Variants in EIF2AK4 observed in about 807,000 individuals in gnomAD.
The protein encoded by EIF2AK4 is eIF-2-alpha kinase GCN2.
A neutral mutation model predicts 211.1 loss-of-function variants in EIF2AK4; 139 were observed. That is an observed-to-expected ratio of 0.66 (90% CI 0.57 to 0.76). The LOEUF is 0.76. Among genes scored for constraint, EIF2AK4 ranks in the 30% least tolerant of loss-of-function variants. The pLI, the probability that EIF2AK4 is intolerant of heterozygous loss-of-function variation, is 0.00. For missense variants in EIF2AK4, 1,664 were observed against 2,043.8 expected (o/e 0.81, Z 3.58); for synonymous variants, 710 against 751.3 (o/e 0.94, Z 0.90).
Position 39,992,919 on chromosome 15 carries a change from A to G in EIF2AK4, c.2766+71A>G, listed in dbSNP as rs11633992. 0.93 allele frequency: 1,361,085 copies of G among 1,469,600 alleles called. 640,953 individuals are homozygous for G. The highest frequency in any genetic ancestry group is 0.98 in the Non-Finnish European group (1,030,188 of 1,051,050). 91.0% of individuals were successfully genotyped at this position (1,469,600 alleles called of 1,614,324 possible). A position where few individuals can be genotyped will look rare whatever the true frequency, so the allele number is the denominator to read the frequency against. ...GGACATCTAGATCACAGCATTTGGG[A>G]TTTAGTCCCGGCTAAAATAGTCAAG... On this transcript the variant is annotated intron_variant, in intron 18 of 38. Coordinates refer to ENST00000263791, the MANE Select transcript of EIF2AK4 (RefSeq NM_001013703.4).
In EIF2AK4 at chr15:40,017,242, G is replaced by A. The variant is rs2035315218; in HGVS notation, c.4065G>A (p.Leu1355=). 2 of 1,609,382 alleles carry A rather than the reference G, an allele frequency of 1.2e-6. No homozygotes were observed. Among genetic ancestry groups the A allele is most frequent in the Non-Finnish European group, 8.5e-7 (1 of 1,176,272 alleles). ...ILAAGGRYDL[L]IPQFRGPQAL... ...CAGCTGGAGGCAGATATGACCTGCT[G>A]GTGAGGGCTTGCCCTTTATTTATTT... The change falls in exon 29 of 39, where the codon CTG becomes CTA. Residue 1355 remains leucine (L), a splice_region_variant and synonymous_variant. Transcript: ENST00000263791.
intron 30 of EIF2AK4, among the ~76,000 whole-genome samples, chr15:40,020,342 ATT>A (rs528608840): frequency 1.4e-4 from 19 of 137,266 alleles, no homozygotes; most frequent in Non-Finnish European, 1.4e-4. Flanking sequence ...CTAACATAAC[ATT>A]TTTTTTTTTT....
intron 23 of EIF2AK4, among the ~76,000 whole-genome samples, chr15:40,005,897 A>G (rs1456814495): frequency 6.6e-6 from 1 of 151,566 alleles, no homozygotes; most frequent in African/African-American, 2.4e-5. Flanking sequence ...ATGTGTAGAT[A>G]TATATATTTG....
At chr15:40,006,898 C>A in intron 23 of EIF2AK4, 118 bp from the exon 24 acceptor site, 1 of 705,972 alleles carries the variant, frequency 1.4e-6, no homozygotes, top group Non-Finnish European at 2.4e-6. Flanking sequence ...CTAAAAGCCA[C>A]TGAAGTACAT....
chr15:40,016,786 C>G, intron 28 of EIF2AK4, 114 bp downstream of exon 28: 2 of 1,352,100 alleles, frequency 1.5e-6, no homozygotes, highest in Non-Finnish European at 1.0e-6. Context: ...TCCAGAAAAA[C>G]TGCTTTCTGT....
chr15:39,983,657 G>A (rs953229964), intron 13 of EIF2AK4, among the ~76,000 whole-genome samples: 27 of 152,268 alleles, frequency 1.8e-4, no homozygotes, highest in Admixed American at 2.0e-4. Flanking sequence ...GGTCAGGCTC[G>A]TCTCATACGC....
At chr15:40,022,875 A>G (rs1231586341) in intron 32 of EIF2AK4, among the ~76,000 whole-genome samples, 3 of 152,080 alleles carry the variant, frequency 2.0e-5, no homozygotes, top group East Asian at 1.9e-4. Flanking sequence ...CTGGGACTGC[A>G]GGTGCCCGCC....
chr15:39,992,804 G>A lies in EIF2AK4; in HGVS notation c.2722G>A (p.Val908Ile), dbSNP rs1412384144. The stretch of plus-strand genomic sequence containing the variant: ...TGGGATGGTTGGCACTGCTCTCTAT[G>A]TAAGCCCAGAGGTCCAAGGAAGCAC... Reference protein sequence around the residue: ...LTGMVGTALYVSPEVQGSTKS... With the variant: ...LTGMVGTALYISPEVQGSTKS... Residue 908 changes from valine to isoleucine, a missense_variant, in exon 18 of 39, where the codon GTA becomes ATA. Val to Ile is a conservative substitution (Grantham distance 29). Transcript: ENST00000263791. The A allele has an allele frequency of 1.2e-6, 2 of 1,614,134 alleles. No homozygotes were observed. Among genetic ancestry groups the A allele is most frequent in the Non-Finnish European group, 1.7e-6 (2 of 1,180,006 alleles).
intron 23 of EIF2AK4, among the ~76,000 whole-genome samples, chr15:40,006,272 GTAAA>G (rs1450244561): frequency 2.6e-5 from 4 of 151,802 alleles, no homozygotes; most frequent in Non-Finnish European, 4.4e-5. Context: ...TGAGGTAGAG[GTAAA>G]TAAACAGCAA....
rs2034700057 is a variant in EIF2AK4 at position 39,976,743 on chromosome 15, G to C, written c.2148G>C (p.Glu716Asp). The C allele has an allele frequency of 6.2e-7, 1 of 1,600,408 alleles. No individual in the cohort carries two copies. The highest frequency in any genetic ancestry group is 1.7e-5 in the Admixed American group (1 of 58,884). ...SSSVEWSTSG[E>D]RSASARFPAT... The stretch of plus-strand genomic sequence containing the variant: ...CGGTGGAGTGGAGCACTTCGGGCGA[G>C]CGCTCGGCCAGTGCCCGTTTCCCCG... The change falls in exon 12 of 39, where the codon GAG becomes GAC. Residue 716 changes from glutamate (E) to aspartate (D), a missense_variant. Glu to Asp is a conservative substitution (Grantham distance 45). This residue lies in a region of EIF2AK4 where 206 missense variants were observed against 201.9 expected (regional missense o/e 1.02). Coordinates refer to ENST00000263791, the MANE Select transcript of EIF2AK4 (RefSeq NM_001013703.4).
chr15:40,016,675 T>C lies in EIF2AK4; in HGVS notation c.3930+3T>C. 6.2e-7 allele frequency: 1 copy of C among 1,613,834 alleles called. No individual in the cohort carries two copies. The highest frequency in any genetic ancestry group is 1.7e-4 in the Middle Eastern group (1 of 6,058). On this transcript the variant is annotated splice_donor_region_variant and intron_variant, in intron 28 of 38. Coordinates refer to ENST00000263791, the MANE Select transcript of EIF2AK4 (RefSeq NM_001013703.4). ...AGAAACTCGGCATCAAGTTACAGGT[T>C]TGGCAACAGTTTGATACTGGCAGTA...
Position 39,997,061 on chromosome 15 carries a change from G to T in EIF2AK4, c.2864G>T (p.Arg955Ile). The T allele has an allele frequency of 6.2e-7, 1 of 1,609,114 alleles. No homozygotes were observed. The highest frequency in any genetic ancestry group is 8.5e-7 in the Non-Finnish European group (1 of 1,175,514). ...SERIFVLNQL[R>I]DPTSPKFPED... ...AGGATCTTTGTTCTCAACCAACTCA[G>T]AGATGTATGTATCAGGTGTTTTAGT... Residue 955 changes from arginine (R) to isoleucine (I), a missense_variant, in exon 19 of 39, where the codon AGA (arginine) becomes ATA (isoleucine). By Grantham distance (97) the Arg-to-Ile change is moderately conservative. Around this residue, in one of 7 missense-constraint regions of EIF2AK4, gnomAD observed 622 missense variants for 796.8 expected, o/e 0.78. Transcript: ENST00000263791.
At chr15:39,995,630 CTTGA>C (rs549660393) in intron 18 of EIF2AK4, among the ~76,000 whole-genome samples, 2 of 151,570 alleles carry the variant, frequency 1.3e-5, no homozygotes, top group African/African-American at 2.4e-5. Flanking sequence ...TAATAGTTAT[CTTGA>C]TTATTTATAT....
rs1402871654 is a variant in EIF2AK4 at position 39,998,751 on chromosome 15, A to G, written c.2889A>G (p.Pro963=). 1.2e-5 allele frequency: 19 copies of G among 1,613,156 alleles called. No homozygotes were observed. The highest frequency in any genetic ancestry group is 4.0e-5 in the African/African-American group (3 of 74,908). The stretch of plus-strand genomic sequence containing the variant: ...TTTAGCCCACTTCGCCTAAGTTTCC[A>G]GAAGACTTTGACGATGGAGAGCATG... ...QLRDPTSPKF[P]EDFDDGEHAK... The change falls in exon 20 of 39, where the codon CCA becomes CCG. Residue 963 remains proline (P), a synonymous_variant. Transcript: ENST00000263791.
At chr15:39,981,427 A>G (rs549184444) in intron 13 of EIF2AK4, among the ~76,000 whole-genome samples, 1 of 152,226 alleles carries the variant, frequency 6.6e-6, no homozygotes, top group South Asian at 2.1e-4. Context: ...TGGTGTTAGC[A>G]TTTGTTATGC....
In EIF2AK4 at chr15:39,971,671, C is replaced by T. The variant is rs574654576; in HGVS notation, c.1554-1237C>T. Among the ~76,000 whole-genome samples, 18 of 151,730 alleles carry T rather than the reference C, an allele frequency of 1.2e-4. No individual in the cohort carries two copies. In the East Asian group the frequency reaches 3.1e-3, roughly 26 times the overall value. On this transcript the variant is annotated intron_variant, in intron 9 of 38. Transcript: ENST00000263791. Reference sequence around the variant, plus strand: ...GTTCGAGGCTGCCATGAGTGATGATCGCAACACTGCTTTCCAGCTTGGGTG... The same window carrying T: ...GTTCGAGGCTGCCATGAGTGATGATTGCAACACTGCTTTCCAGCTTGGGTG...
At chr15:39,958,160 C>A (rs976340145) in intron 6 of EIF2AK4, among the ~76,000 whole-genome samples, 2 of 152,186 alleles carry the variant, frequency 1.3e-5, no homozygotes, top group Non-Finnish European at 2.9e-5. Context: ...CATAGTCCCC[C>A]CAACCCACTG....
rs1555417781 is a variant in EIF2AK4 at position 39,977,144 on chromosome 15, C to CAA, written c.2249+304_2249+305dup. 2.2e-5 allele frequency: 7 copies of CAA among 315,218 alleles called. 1 individual carries two copies. Among genetic ancestry groups the CAA allele is most frequent in the South Asian group, 2.8e-4 (2 of 7,130 alleles). The allele number at this position is 315,218 out of a possible 1,614,324, so 19.5% of individuals were successfully genotyped here. A position where few individuals can be genotyped will look rare whatever the true frequency, so the allele number is the denominator to read the frequency against. ...TGTTGACCATGTTTAAAAACAAAAA[C>CAA]AAAAACAAAACAAAACCACCACTTT... On this transcript the variant is annotated intron_variant, in intron 12 of 38. Coordinates refer to ENST00000263791, the MANE Select transcript of EIF2AK4 (RefSeq NM_001013703.4).
At chr15:40,027,889 C>CAA (rs34237730) in intron 33 of EIF2AK4, among the ~76,000 whole-genome samples, 24 of 129,994 alleles carry the variant, frequency 1.8e-4, no homozygotes, top group Non-Finnish European at 2.4e-4. Flanking sequence ...GACTCTGTCT[C>CAA]AAAAAAAAAA....
Sources: allele counts gnomAD v4.1 joint callset (sites outside exome capture counted in the v4.1 genomes callset), GRCh38; gene constraint gnomAD v4.1.1; regional missense constraint gnomAD v4.1.1; transcripts MANE v1.5; gene names NCBI Gene and HGNC (gene_info 2026-07-23, HGNC 2026-07-21).